STBD1: variants seen among roughly 807,000 people sequenced by gnomAD.
The protein encoded by STBD1 is starch binding domain 1.
In STBD1, 13 loss-of-function variants were observed where a neutral mutation model predicts 10.5. The observed-to-expected ratio is 1.24, with a 90% CI of 0.81 to 1.97. STBD1 has a LOEUF of 1.97. Ranked by LOEUF, STBD1 falls within the 30% of genes most tolerant of loss-of-function variation. The probability of loss-of-function intolerance (pLI) is 0.00; values close to 1 mark genes in which losing one functional copy is unlikely to be tolerated. For missense variants in STBD1, 427 were observed against 435.6 expected, an observed-to-expected ratio of 0.98 and a Z score of 0.17; for synonymous variants, 146 against 160.2, an observed-to-expected ratio of 0.91 and a Z score of 0.67.
Position 76,309,516 on chromosome 4 carries a change from T to C in STBD1, c.593T>C (p.Val198Ala), listed in dbSNP as rs1718880745. Residue 198 changes from valine to alanine, a missense_variant, in exon 2 of 2, where the codon GTT becomes GCT. By Grantham distance (64) the Val-to-Ala change is moderately conservative. Transcript: ENST00000237642. Reference sequence around the variant, plus strand: ...TCTGATTTGAACAGTCAGGACCGGGTTGACCACGAGGAGTGGGAAATGGTG... The same window carrying C: ...TCTGATTTGAACAGTCAGGACCGGGCTGACCACGAGGAGTGGGAAATGGTG... ...SLSDLNSQDR[V>A]DHEEWEMVPR... is the part of the protein sequence containing the mutation. 1 of 1,614,056 alleles carries C rather than the reference T, an allele frequency of 6.2e-7. No individual in the cohort carries two copies.
At position 76,309,391 on chromosome 4, in the gene STBD1, A is replaced by G. The variant is rs141201583; in HGVS notation, c.468A>G (p.Gln156=). 6 of 1,613,626 alleles carry G rather than the reference A, an allele frequency of 3.7e-6. No homozygotes were observed. The highest frequency in any genetic ancestry group is 4.2e-6 in the Non-Finnish European group (5 of 1,179,854). ...CTCCTATGGGAGAATGGGGATTCCA[A>G]AAAGGACAAGAGATATCTGCTAAAG... ...LESPMGEWGF[Q]KGQEISAKAA... Residue 156 remains glutamine (Q), a synonymous_variant, in exon 2 of 2, where the codon CAA becomes CAG. Coordinates refer to ENST00000237642, the MANE Select transcript of STBD1 (RefSeq NM_003943.5).
rs781727718 is a variant in STBD1, at chr4:76,309,836, G to A, written c.913G>A (p.Gly305Arg). The change falls in exon 2 of 2, where the codon GGG becomes AGG. Residue 305 changes from glycine to arginine, a missense_variant. Physicochemically the swap from Gly to Arg is moderately radical, Grantham distance 125. Coordinates refer to ENST00000237642, the MANE Select transcript of STBD1 (RefSeq NM_003943.5). ...CATCCCACTCCACTATAACAAGGATGGGTTCTGGTCTCATTCCATTTTCCT... is the reference window on the plus strand; with the variant it reads ...CATCCCACTCCACTATAACAAGGATAGGTTCTGGTCTCATTCCATTTTCCT... ...TYIPLHYNKD[G>R]FWSHSIFLPA... 1.2e-6 allele frequency: 2 copies of A among 1,613,862 alleles called. No homozygotes were observed. Among genetic ancestry groups the A allele is most frequent in the East Asian group, 2.2e-5 (1 of 44,896 alleles).
Position 76,309,728 on chromosome 4 carries a change from C to T in STBD1, c.805C>T (p.Gln269Ter), listed in dbSNP as rs773960940. The change falls in exon 2 of 2, where the codon CAG (glutamine) becomes TAG (stop). Residue 269 changes from glutamine to a stop codon, truncating the protein, a stop_gained. Coordinates refer to ENST00000237642, the MANE Select transcript of STBD1 (RefSeq NM_003943.5). LOFTEE classifies it high-confidence loss of function. ...AGSQQVSVRF[Q>*]VHYVTSTDVQ... The stretch of plus-strand genomic sequence containing the variant: ...GTCTCAGCAAGTTAGTGTCAGGTTC[C>T]AGGTCCATTATGTCACAAGCACTGA... 1.2e-6 allele frequency: 2 copies of T among 1,614,252 alleles called. No individual in the cohort carries two copies. Among genetic ancestry groups the T allele is most frequent in the East Asian group, 4.5e-5 (2 of 44,886 alleles).
In STBD1 at chr4:76,310,059, G is replaced by C; in HGVS notation, c.*59G>C. The C allele has an allele frequency of 6.5e-7, 1 of 1,538,062 alleles. No homozygotes were observed. The highest frequency in any genetic ancestry group is 8.7e-7 in the Non-Finnish European group (1 of 1,148,020). On this transcript the variant is annotated 3_prime_UTR_variant, in exon 2 of 2. Coordinates refer to ENST00000237642, the MANE Select transcript of STBD1 (RefSeq NM_003943.5). ...CAATGTGGAAGAGGCTGAGGTTGTG[G>C]AACACACTGAATAAAATAAAGGCAG...
chr4:76,308,453 G>A (rs1323119049), intron 1 of STBD1, among the ~76,000 whole-genome samples: 1 of 152,178 alleles, frequency 6.6e-6, no homozygotes, highest in African/African-American at 2.4e-5. Context: ...CATTTTTAGA[G>A]GACTTGGATT....
intron 1 of STBD1, among the ~76,000 whole-genome samples, chr4:76,308,366 TTGTA>T (rs1196685093): frequency 6.6e-6 from 1 of 151,876 alleles, no homozygotes; most frequent in Non-Finnish European, 1.5e-5. Flanking sequence ...GCTGTGCTGA[TTGTA>T]TGTATGATTT....
chr4:76,310,190 G>A lies in STBD1; in HGVS notation c.*190G>A. 1 of 660,900 alleles carries A rather than the reference G, an allele frequency of 1.5e-6. No individual in the cohort carries two copies. Among genetic ancestry groups the A allele is most frequent in the East Asian group, 2.7e-5 (1 of 36,690 alleles). 40.9% of individuals were successfully genotyped at this position (660,900 alleles called of 1,614,324 possible). ...TGTGCAGAAATATATATGTGTGTAT[G>A]TGTGTATATATATGCACACACACAC... On this transcript the variant is annotated 3_prime_UTR_variant, in exon 2 of 2. Coordinates refer to ENST00000237642, the MANE Select transcript of STBD1 (RefSeq NM_003943.5).
At position 76,309,876 on chromosome 4, in the gene STBD1, TGG is replaced by T. The variant is rs754033827; in HGVS notation, c.954_955del (p.Val319GlyfsTer21). The T allele has an allele frequency of 1.1e-4, 185 of 1,613,936 alleles. No individual in the cohort carries two copies. Among genetic ancestry groups the T allele is most frequent in the Non-Finnish European group, 1.6e-4 (183 of 1,180,032 alleles). On this transcript the variant is annotated frameshift_variant, in exon 2 of 2. Transcript: ENST00000237642. LOFTEE classifies it high-confidence loss of function. ...TCCATTTTCCTGCCTGCAGATACAG[TGG>T]TGGAGTGGAAGTTTGTGTTGGTAGA...
At position 76,309,866 on chromosome 4, in the gene STBD1, G is replaced by A. The variant is rs1249522281; in HGVS notation, c.943G>A (p.Ala315Thr). ...GFWSHSIFLP[A>T]DTVVEWKFVL... Reference sequence around the variant, plus strand: ...CTGGTCTCATTCCATTTTCCTGCCTGCAGATACAGTGGTGGAGTGGAAGTT... The same window carrying A: ...CTGGTCTCATTCCATTTTCCTGCCTACAGATACAGTGGTGGAGTGGAAGTT... The change falls in exon 2 of 2, where the codon GCA (alanine) becomes ACA (threonine). Residue 315 changes from alanine (A) to threonine (T), a missense_variant. By Grantham distance (58) the Ala-to-Thr change is moderately conservative. Transcript: ENST00000237642. 5 of 1,614,228 alleles carry A rather than the reference G, an allele frequency of 3.1e-6. No homozygotes were observed. The highest frequency in any genetic ancestry group is 4.2e-6 in the Non-Finnish European group (5 of 1,180,044).
At chr4:76,307,212 C>T (rs1165147323) in intron 1 of STBD1, among the ~76,000 whole-genome samples, 9 of 152,166 alleles carry the variant, frequency 5.9e-5, no homozygotes, top group Admixed American at 1.3e-4. Flanking sequence ...GCGCCCTTGC[C>T]GAGTCCCTCA....
intron 1 of STBD1, among the ~76,000 whole-genome samples, chr4:76,308,326 A>C (rs922608945): frequency 6.6e-6 from 1 of 150,664 alleles, no homozygotes; most frequent in African/African-American, 2.4e-5. Flanking sequence ...TCCCCATACC[A>C]CCACCACCCC....
intron 1 of STBD1, 43 bp downstream of exon 1, chr4:76,307,032 T>C (rs765183069): frequency 1.2e-5 from 19 of 1,540,896 alleles, no homozygotes; most frequent in Non-Finnish European, 1.3e-5. Context: ...TGCCAGAGCT[T>C]TGAGGTTCAT....
At chr4:76,307,762 A>G (rs1718820569) in intron 1 of STBD1, among the ~76,000 whole-genome samples, 1 of 152,218 alleles carries the variant, frequency 6.6e-6, no homozygotes, top group Non-Finnish European at 1.5e-5. Context: ...ACACTGGCAG[A>G]AAAGCTTACC....
rs1718904254 is a variant in STBD1, at chr4:76,310,178, ATATGTGTG to A, written c.*190_*197del. On this transcript the variant is annotated 3_prime_UTR_variant, in exon 2 of 2. Coordinates refer to ENST00000237642, the MANE Select transcript of STBD1 (RefSeq NM_003943.5). ...ATATATGTCTAATGTGCAGAAATAT[ATATGTGTG>A]TATGTGTGTATATATATGCACACAC... 1 of 714,562 alleles carries A rather than the reference ATATGTGTG, an allele frequency of 1.4e-6. No individual in the cohort carries two copies. Among genetic ancestry groups the A allele is most frequent in the Non-Finnish European group, 2.3e-6 (1 of 437,796 alleles). 44.3% of individuals were successfully genotyped at this position (714,562 alleles called of 1,614,324 possible). A position where few individuals can be genotyped will look rare whatever the true frequency, so the allele number is the denominator to read the frequency against.
chr4:76,310,065 A>G lies in STBD1; in HGVS notation c.*65A>G, dbSNP rs1011612560. On this transcript the variant is annotated 3_prime_UTR_variant, in exon 2 of 2. Transcript: ENST00000237642. Reference sequence around the variant, plus strand: ...GGAAGAGGCTGAGGTTGTGGAACACACTGAATAAAATAAAGGCAGTGTGAC... The same window carrying G: ...GGAAGAGGCTGAGGTTGTGGAACACGCTGAATAAAATAAAGGCAGTGTGAC... 7.2e-6 allele frequency: 11 copies of G among 1,529,292 alleles called. No individual in the cohort carries two copies. Among genetic ancestry groups the G allele is most frequent in the Non-Finnish European group, 8.7e-6 (10 of 1,144,560 alleles). The allele number at this position is 1,529,292 out of a possible 1,614,324, so 94.7% of individuals were successfully genotyped here. A position where few individuals can be genotyped will look rare whatever the true frequency, so the allele number is the denominator to read the frequency against.
At chr4:76,307,101 G>C (rs1718792490) in intron 1 of STBD1, 112 bp downstream of exon 1, 1 of 1,133,048 alleles carries the variant, frequency 8.8e-7, no homozygotes, top group South Asian at 1.3e-5. Flanking sequence ...CCATTCCTGC[G>C]GACGGGCTCT....
At position 76,310,169 on chromosome 4, in the gene STBD1, C is replaced by T; in HGVS notation, c.*169C>T. On this transcript the variant is annotated 3_prime_UTR_variant, in exon 2 of 2. Coordinates refer to ENST00000237642, the MANE Select transcript of STBD1 (RefSeq NM_003943.5). ...TGCAGAAATATATATGTCTAATGTG[C>T]AGAAATATATATGTGTGTATGTGTG... 1 of 774,262 alleles carries T rather than the reference C, an allele frequency of 1.3e-6. No individual in the cohort carries two copies. The allele number at this position is 774,262 out of a possible 1,614,324, so 48.0% of individuals were successfully genotyped here.
At chr4:76,307,617 G>A (rs1352552369) in intron 1 of STBD1, among the ~76,000 whole-genome samples, 1 of 152,156 alleles carries the variant, frequency 6.6e-6, no homozygotes. Context: ...TCCCCTCCAC[G>A]CTGCCCCAGA....
chr4:76,306,913 G>T lies in STBD1; in HGVS notation c.144G>T (p.Ala48=). 1.2e-6 allele frequency: 2 copies of T among 1,612,508 alleles called. No individual in the cohort carries two copies. Among genetic ancestry groups the T allele is most frequent in the Non-Finnish European group, 1.7e-6 (2 of 1,179,628 alleles). ...QEKDAPLGGA[A]IPGGHQSGSS... ...AAGACGCCCCTCTTGGGGGAGCTGC[G>T]ATTCCGGGAGGCCATCAGAGTGGCA... is the stretch of plus-strand genomic sequence containing the variant. The change falls in exon 1 of 2, where the codon GCG becomes GCT. Residue 48 remains alanine, a synonymous_variant. Transcript: ENST00000237642.
Sources: allele counts gnomAD v4.1 joint callset (sites outside exome capture counted in the v4.1 genomes callset), GRCh38; gene constraint gnomAD v4.1.1; transcripts MANE v1.5; gene names NCBI Gene and HGNC (gene_info 2026-07-23, HGNC 2026-07-21).